Variants in PRKG1 observed in about 807,000 individuals in gnomAD.
PRKG1 encodes the protein protein kinase cGMP-dependent 1, also known as cGMP-dependent protein kinase 1.
In PRKG1, 35 loss-of-function variants were observed where a neutral mutation model predicts 88.1. The ratio of observed to expected loss-of-function variants is 0.40; its 90% CI spans 0.30 to 0.53. The LOEUF is 0.53. Among genes scored for constraint, PRKG1 ranks in the 20% least tolerant of loss-of-function variants. The probability of loss-of-function intolerance (pLI) is 0.59; values close to 1 mark genes in which losing one functional copy is unlikely to be tolerated. For missense variants in PRKG1, 540 were observed against 839.8 expected (o/e 0.64, Z 4.41); for synonymous variants, 303 against 292.5 (o/e 1.04, Z -0.37).
At chr10:51,924,214 G>A (rs139915146) in intron 5 of PRKG1, among the ~76,000 whole-genome samples, 3 of 152,002 alleles carry the variant, frequency 2.0e-5, no homozygotes, top group Non-Finnish European at 2.9e-5. Context: ...AACATTTCCT[G>A]TAAAGCAGGT....
At chr10:51,540,118 A>C (rs1842263592) in intron 3 of PRKG1, among the ~76,000 whole-genome samples, 1 of 152,206 alleles carries the variant, frequency 6.6e-6, no homozygotes, top group Non-Finnish European at 1.5e-5. Context: ...ATTTGTTAAA[A>C]ATGTCAGGCT....
intron 9 of PRKG1, 144 bp downstream of exon 9, chr10:52,162,107 A>G: frequency 1.5e-6 from 1 of 687,210 alleles, no homozygotes; most frequent in African/African-American, 1.8e-5. Context: ...ACTCTTCAAG[A>G]TAATTATTAC....
At chr10:51,843,639 A>C (rs1190085104) in intron 4 of PRKG1, among the ~76,000 whole-genome samples, 2 of 152,218 alleles carry the variant, frequency 1.3e-5, no homozygotes, top group Admixed American at 6.5e-5. Context: ...CTGCACAGGC[A>C]TAGAAGAGCA....
chr10:51,768,466 T>C (rs1232942024), intron 3 of PRKG1, among the ~76,000 whole-genome samples: 4 of 152,164 alleles, frequency 2.6e-5, no homozygotes, highest in African/African-American at 9.7e-5. Context: ...AAAAAACATA[T>C]GGAATGGCAA....
At chr10:51,987,162 T>C (rs1844180969) in intron 5 of PRKG1, among the ~76,000 whole-genome samples, 1 of 152,046 alleles carries the variant, frequency 6.6e-6, no homozygotes, top group Admixed American at 6.6e-5. Context: ...AATCTTAAAG[T>C]TGGGTGGTTC....
At chr10:51,512,539 G>A in intron 3 of PRKG1, among the ~76,000 whole-genome samples, 1 of 101,110 alleles carries the variant, frequency 9.9e-6, no homozygotes, top group Non-Finnish European at 2.0e-5. Flanking sequence ...ATTTTTTATG[G>A]CTGCATAGTA....
Position 51,710,699 on chromosome 10 carries a change from C to T in PRKG1, c.593-93886C>T, listed in dbSNP as rs557387708. ...ACCAAGTTTATTACTTAAATGACTA[C>T]GATTAAATTTAAATATCATTGTGCT... On this transcript the variant is annotated intron_variant, in intron 3 of 17. Transcript: ENST00000373980. 1.8e-4 allele frequency among the ~76,000 whole-genome samples: 28 copies of T among 152,256 alleles called. No homozygotes were observed. In the South Asian group the frequency reaches 3.5e-3, roughly 19 times the overall value.
chr10:52,125,779 GA>G (rs1847918009), intron 7 of PRKG1: 2 of 152,128 alleles, frequency 1.3e-5, no homozygotes, highest in Non-Finnish European at 2.9e-5. Context: ...CTCACCATAT[GA>G]CCTTTTTTTC....
intron 5 of PRKG1, among the ~76,000 whole-genome samples, chr10:52,013,105 T>C (rs1365365314): frequency 6.6e-6 from 1 of 152,122 alleles, no homozygotes; most frequent in South Asian, 2.1e-4. Flanking sequence ...GTGATAAAGG[T>C]TAACCAGTGC....
At chr10:51,174,797 T>C (rs919627125) in intron 2 of PRKG1, among the ~76,000 whole-genome samples, 12 of 152,054 alleles carry the variant, frequency 7.9e-5, no homozygotes, top group Admixed American at 3.3e-4. Flanking sequence ...ATTGTATTTT[T>C]GAAGTCAATT....
At chr10:52,232,986 A>G (rs1047334037) in intron 9 of PRKG1, among the ~76,000 whole-genome samples, 10 of 152,216 alleles carry the variant, frequency 6.6e-5, no homozygotes, top group African/African-American at 2.4e-4. Context: ...TGAAAACATT[A>G]AGTGGACATT....
intron 2 of PRKG1, among the ~76,000 whole-genome samples, chr10:51,287,142 G>A (rs1840462317): frequency 6.6e-6 from 1 of 152,138 alleles, no homozygotes; most frequent in Admixed American, 6.6e-5. Flanking sequence ...CTCCCAAAGT[G>A]CTGGTATTAC....
chr10:51,641,501 C>A (rs1351469332), intron 3 of PRKG1, among the ~76,000 whole-genome samples: 4 of 152,126 alleles, frequency 2.6e-5, no homozygotes, highest in Admixed American at 2.0e-4. Context: ...CACATGGATG[C>A]CTTGTGCTTT....
At chr10:51,631,887 T>C (rs752505330) in intron 3 of PRKG1, among the ~76,000 whole-genome samples, 16 of 152,058 alleles carry the variant, frequency 1.1e-4, no homozygotes, top group Non-Finnish European at 2.2e-4. Context: ...AACCAGTACC[T>C]CTCCATGGCC....
intron 2 of PRKG1, among the ~76,000 whole-genome samples, chr10:51,173,494 CTA>C (rs1471770717): frequency 5.9e-5 from 9 of 151,488 alleles, no homozygotes; most frequent in African/African-American, 2.2e-4. Flanking sequence ...ATTCACAAAA[CTA>C]TGTGTAAAAC....
intron 1 of PRKG1, among the ~76,000 whole-genome samples, chr10:51,067,258 G>A (rs533237654): frequency 2.0e-4 from 20 of 98,102 alleles, no homozygotes; most frequent in Non-Finnish European, 2.9e-4. Flanking sequence ...TTGTGTGTTT[G>A]TATGTATGTG....
At chr10:52,236,493 C>T (rs1404392554) in intron 9 of PRKG1, among the ~76,000 whole-genome samples, 51 of 47,638 alleles carry the variant, frequency 1.1e-3, no homozygotes, top group African/African-American at 5.3e-3. Context: ...ATATCACCAC[C>T]GATCCCACAG....
At chr10:51,354,168 G>C (rs1319457579) in intron 2 of PRKG1, among the ~76,000 whole-genome samples, 1 of 146,478 alleles carries the variant, frequency 6.8e-6, no homozygotes, top group Admixed American at 6.9e-5. Flanking sequence ...GGTCGTGATG[G>C]GGGCAGAGAG....
rs1291613049 is a variant in PRKG1 at position 52,092,036 on chromosome 10, C to CT, written c.935+29406dup. Among the ~76,000 whole-genome samples the CT allele has an allele frequency of 5.3e-5, 8 of 152,306 alleles. No homozygotes were observed. In the East Asian group the frequency reaches 1.5e-3, roughly 29 times the overall value. ...GTTACCAGCGTTTCCTTCTTGATTG[C>CT]TAATGAGGCTGCATTGTGAGCATGA... On this transcript the variant is annotated intron_variant, in intron 7 of 17. Transcript: ENST00000373980.
Sources: allele counts gnomAD v4.1 joint callset (sites outside exome capture counted in the v4.1 genomes callset), GRCh38; gene constraint gnomAD v4.1.1; transcripts MANE v1.5; gene names NCBI Gene and HGNC (gene_info 2026-07-23, HGNC 2026-07-21).